The following PDE4D variants were observed in gnomAD, a reference collection of about 807,000 sequenced individuals.
The protein encoded by PDE4D is 3',5'-cyclic-AMP phosphodiesterase 4D.
In PDE4D, 24 loss-of-function variants were observed where a neutral mutation model predicts 87.4. That is an observed-to-expected ratio of 0.27 (90% CI 0.20 to 0.39). The LOEUF is 0.39. Among genes scored for constraint, PDE4D ranks in the 10% least tolerant of loss-of-function variants. PDE4D has a pLI of 1.00. For missense variants in PDE4D, 714 were observed against 1,041.0 expected, an observed-to-expected ratio of 0.69 and a Z score of 4.32; for synonymous variants, 384 against 383.2, an observed-to-expected ratio of 1.00 and a Z score of -0.02.
chr5:59,103,374 A>T (rs6865647), intron 5 of PDE4D, among the ~76,000 whole-genome samples: 4 of 152,034 alleles, frequency 2.6e-5, no homozygotes, highest in African/African-American at 9.7e-5. Flanking sequence ...AAGATTGCAA[A>T]CTGGCAATCC....
chr5:60,265,775 T>C (rs1326466220), intron 1 of PDE4D, among the ~76,000 whole-genome samples: 2 of 152,128 alleles, frequency 1.3e-5, no homozygotes, highest in African/African-American at 4.8e-5. Flanking sequence ...CTTCAAAAAA[T>C]GCTGTACTTG....
intron 1 of PDE4D, among the ~76,000 whole-genome samples, chr5:59,448,244 CT>C (rs1357076541): frequency 6.6e-6 from 1 of 152,192 alleles, no homozygotes. Context: ...GATTCTCTGG[CT>C]GCCAAGTGAG....
intron 6 of PDE4D, among the ~76,000 whole-genome samples, chr5:59,013,292 C>G (rs1238347689): frequency 6.6e-6 from 1 of 151,534 alleles, no homozygotes; most frequent in Non-Finnish European, 1.5e-5. Context: ...CAAGAAATAA[C>G]TAAGATCAGA....
chr5:60,095,325 T>A (rs950840987), intron 2 of PDE4D, among the ~76,000 whole-genome samples: 3 of 152,198 alleles, frequency 2.0e-5, no homozygotes, highest in Non-Finnish European at 2.9e-5. Flanking sequence ...CTTGTGTTAG[T>A]TTGCTGAGAA....
At chr5:60,043,832 A>AT (rs1768817401) in intron 2 of PDE4D, among the ~76,000 whole-genome samples, 1 of 152,326 alleles carries the variant, frequency 6.6e-6, no homozygotes, top group African/African-American at 2.4e-5. Context: ...CTGGTGACAG[A>AT]TTCAGCCTTT....
At chr5:59,074,134 A>G (rs1286673201) in intron 5 of PDE4D, among the ~76,000 whole-genome samples, 1 of 152,224 alleles carries the variant, frequency 6.6e-6, no homozygotes, top group Non-Finnish European at 1.5e-5. Context: ...ATTCTGTCAC[A>G]CATAATTCAA....
At chr5:59,260,479 A>C (rs577295052) in intron 1 of PDE4D, among the ~76,000 whole-genome samples, 2 of 151,976 alleles carry the variant, frequency 1.3e-5, no homozygotes, top group South Asian at 4.2e-4. Flanking sequence ...TATACACTTA[A>C]CACACAAATG....
intron 1 of PDE4D, among the ~76,000 whole-genome samples, chr5:60,313,391 T>G (rs1223464780): frequency 6.6e-6 from 1 of 152,018 alleles, no homozygotes; most frequent in Non-Finnish European, 1.5e-5. Context: ...AGGAAGAAAT[T>G]CAAATCCTGA....
intron 1 of PDE4D, among the ~76,000 whole-genome samples, chr5:59,556,348 C>T (rs1178741203): frequency 6.6e-6 from 1 of 152,096 alleles, no homozygotes; most frequent in African/African-American, 2.4e-5. Flanking sequence ...GTCTGCTGTG[C>T]CAGGTGACTC....
chr5:59,030,036 A>T (rs1757044502), intron 6 of PDE4D, among the ~76,000 whole-genome samples: 1 of 152,146 alleles, frequency 6.6e-6, no homozygotes. Context: ...AATCAACTCA[A>T]AAGAGATATA....
At chr5:59,851,124 A>G (rs574085027) in intron 1 of PDE4D, among the ~76,000 whole-genome samples, 3 of 152,062 alleles carry the variant, frequency 2.0e-5, no homozygotes, top group Admixed American at 6.6e-5. Context: ...GAAGACACTC[A>G]TGCAGCCTGG....
At chr5:59,296,260 G>C (rs894927782) in intron 1 of PDE4D, among the ~76,000 whole-genome samples, 3 of 151,998 alleles carry the variant, frequency 2.0e-5, no homozygotes, top group South Asian at 4.1e-4. Flanking sequence ...TATTTTATAA[G>C]TTAATAGATA....
At chr5:59,285,310 C>T (rs1301800455) in intron 1 of PDE4D, among the ~76,000 whole-genome samples, 1 of 151,786 alleles carries the variant, frequency 6.6e-6, no homozygotes, top group Non-Finnish European at 1.5e-5. Context: ...TGCTTAACAG[C>T]AGAATAAATC....
chr5:59,628,818 T>C (rs1000671447), intron 1 of PDE4D, among the ~76,000 whole-genome samples: 2 of 152,192 alleles, frequency 1.3e-5, no homozygotes, highest in African/African-American at 4.8e-5. Flanking sequence ...TCCGTTCTCA[T>C]CCCACTAATA....
At chr5:60,016,521 T>G (rs1460715534) in intron 2 of PDE4D, among the ~76,000 whole-genome samples, 2 of 152,180 alleles carry the variant, frequency 1.3e-5, no homozygotes, top group Non-Finnish European at 2.9e-5. Flanking sequence ...TTTGATAACA[T>G]TTTTCCCTCA....
intron 2 of PDE4D, among the ~76,000 whole-genome samples, chr5:60,123,722 T>C (rs938098789): frequency 1.3e-5 from 2 of 152,160 alleles, no homozygotes; most frequent in African/African-American, 4.8e-5. Context: ...ATGAGGAATT[T>C]TCCAGTTATT....
intron 1 of PDE4D, among the ~76,000 whole-genome samples, chr5:59,359,133 G>A (rs961643042): frequency 1.3e-5 from 2 of 152,070 alleles, no homozygotes; most frequent in Non-Finnish European, 2.9e-5. Context: ...AATCTGCTAG[G>A]GAATGTCCAA....
At chr5:60,275,643 C>T (rs558976673) in intron 1 of PDE4D, among the ~76,000 whole-genome samples, 3 of 151,948 alleles carry the variant, frequency 2.0e-5, no homozygotes, top group Admixed American at 6.5e-5. Flanking sequence ...CCCCAGTCAG[C>T]CTACAAAACC....
At chr5:59,852,858 G>A (rs1203603408) in intron 1 of PDE4D, among the ~76,000 whole-genome samples, 1 of 151,942 alleles carries the variant, frequency 6.6e-6, no homozygotes, top group African/African-American at 2.4e-5. Context: ...AGTATTTTAG[G>A]GGAGGTTTCC....
Sources: gnomAD v4.1 joint callset for allele counts (sites outside exome capture counted in the v4.1 genomes callset) on GRCh38, gnomAD v4.1.1 for gene constraint, MANE v1.5 for transcripts, NCBI Gene and HGNC (gene_info 2026-07-23, HGNC 2026-07-21) for gene names.